FGGY: variants seen among roughly 807,000 people sequenced by gnomAD.
FGGY encodes FGGY carbohydrate kinase domain-containing protein.
In FGGY, 72 loss-of-function variants were observed where a neutral mutation model predicts 71.3. That is an observed-to-expected ratio of 1.01 (90% CI 0.84 to 1.23). FGGY has a LOEUF of 1.23. Among genes scored for constraint, FGGY ranks in the 50% most tolerant of loss-of-function variants. The pLI is 0.00. For missense variants in FGGY, 668 were observed against 682.3 expected (o/e 0.98, Z 0.23); for synonymous variants, 251 against 250.3 (o/e 1.00, Z -0.02).
chr1:59,435,381 C>T (rs760412831), intron 5 of FGGY, among the ~76,000 whole-genome samples: 9 of 152,152 alleles, frequency 5.9e-5, no homozygotes, highest in Non-Finnish European at 1.3e-4. Flanking sequence ...TTTGAAGATC[C>T]CTGAGGGATC....
At chr1:59,374,236 G>C (rs1486190979) in intron 4 of FGGY, among the ~76,000 whole-genome samples, 6 of 152,146 alleles carry the variant, frequency 3.9e-5, no homozygotes, top group Non-Finnish European at 8.8e-5. Context: ...ATCAAAAAGT[G>C]GGTGCAGGAC....
chr1:59,554,072 C>T, intron 7 of FGGY, 52 bp from the exon 8 acceptor site: 1 of 1,374,552 alleles, frequency 7.3e-7, no homozygotes, highest in Middle Eastern at 1.9e-4. Flanking sequence ...GCTTTCTCTC[C>T]CTCTTTTTTT....
intron 7 of FGGY, among the ~76,000 whole-genome samples, chr1:59,542,813 A>G (rs558508763): frequency 8.8e-4 from 134 of 152,154 alleles, no homozygotes; most frequent in African/African-American, 3.2e-3. Flanking sequence ...AGGCCCAAAA[A>G]ACTCAGTTCA....
rs145918600 is a variant in FGGY at position 59,353,996 on chromosome 1, T to A, written c.465+7598T>A. On this transcript the variant is annotated intron_variant, in intron 4 of 15. Coordinates refer to ENST00000303721, the MANE Select transcript of FGGY (RefSeq NM_018291.5). ...GAGCTAAAGCGTATGTAGTGCTTGT[T>A]AATACATCTGGTACTTTTCTAAGCA... 3.1e-3 allele frequency among the ~76,000 whole-genome samples: 473 copies of A among 152,374 alleles called. 2 individuals are homozygous for A. The highest frequency in any genetic ancestry group is 0.011 in the African/African-American group (464 of 41,596).
chr1:59,566,854 G>C (rs1490838317), intron 8 of FGGY, among the ~76,000 whole-genome samples: 1 of 152,072 alleles, frequency 6.6e-6, no homozygotes, highest in Non-Finnish European at 1.5e-5. Context: ...ACTGAGTATA[G>C]TGATGTTTGA....
chr1:59,707,228 C>T (rs2097763072), intron 14 of FGGY, among the ~76,000 whole-genome samples: 1 of 152,166 alleles, frequency 6.6e-6, no homozygotes. Flanking sequence ...CCAGTTTTGC[C>T]TAGCGAAACT....
intron 11 of FGGY, chr1:59,641,388 T>C: frequency 6.5e-7 from 1 of 1,548,742 alleles, no homozygotes; most frequent in Non-Finnish European, 8.8e-7. Flanking sequence ...ATTTACCCAT[T>C]CACTGTGTTT....
At chr1:59,720,844 A>T (rs1342188093) in intron 14 of FGGY, among the ~76,000 whole-genome samples, 1 of 152,150 alleles carries the variant, frequency 6.6e-6, no homozygotes, top group African/African-American at 2.4e-5. Context: ...TCTTTTCAGG[A>T]CCTGCAAAGC....
chr1:59,646,853 G>T (rs2097099816), intron 11 of FGGY, among the ~76,000 whole-genome samples: 1 of 152,104 alleles, frequency 6.6e-6, no homozygotes, highest in African/African-American at 2.4e-5. Context: ...TGGGGAAAAA[G>T]AAAAATAAAA....
At chr1:59,694,717 G>C (rs1233352071) in intron 14 of FGGY, among the ~76,000 whole-genome samples, 1 of 150,854 alleles carries the variant, frequency 6.6e-6, no homozygotes, top group African/African-American at 2.4e-5. Flanking sequence ...AAAGAGATGG[G>C]GTCTCAATGT....
intron 14 of FGGY, among the ~76,000 whole-genome samples, chr1:59,698,133 G>C (rs2154013347): frequency 6.6e-6 from 1 of 152,198 alleles, no homozygotes; most frequent in East Asian, 1.9e-4. Context: ...GTTTAGAAAT[G>C]TAATGTGATA....
chr1:59,373,431 T>C (rs1227161959), intron 4 of FGGY, among the ~76,000 whole-genome samples: 2 of 152,066 alleles, frequency 1.3e-5, no homozygotes, highest in Non-Finnish European at 1.5e-5. Context: ...GGAAGAACAT[T>C]CCATGCTCAT....
At chr1:59,697,647 G>T (rs759193452) in intron 14 of FGGY, 13 of 1,303,546 alleles carry the variant, frequency 1.0e-5, no homozygotes, top group Non-Finnish European at 1.3e-5. Context: ...CTTCTTTCCA[G>T]TGGGGGAAAT....
At chr1:59,762,223 G>A (rs1347625185) in intron 15 of FGGY, among the ~76,000 whole-genome samples, 2 of 152,086 alleles carry the variant, frequency 1.3e-5, no homozygotes, top group Non-Finnish European at 2.9e-5. Context: ...CTGAGTAGCT[G>A]GGATTACAGG....
At chr1:59,715,140 C>T (rs1181239051) in intron 14 of FGGY, among the ~76,000 whole-genome samples, 4 of 152,140 alleles carry the variant, frequency 2.6e-5, no homozygotes. Context: ...AGAGTCAGGG[C>T]ATGAAGCATT....
chr1:59,361,922 G>A (rs114398047), intron 4 of FGGY, among the ~76,000 whole-genome samples: 2,922 of 152,170 alleles, frequency 0.019, 102 homozygotes, highest in African/African-American at 0.068. Context: ...GGCCCTTTCC[G>A]CCTCTCTTGG....
rs1466308892 is a variant in FGGY, at chr1:59,511,177, A to G, written c.671-1134A>G. On this transcript the variant is annotated intron_variant, in intron 6 of 15. Coordinates refer to ENST00000303721, the MANE Select transcript of FGGY (RefSeq NM_018291.5). Reference sequence around the variant, plus strand: ...AAAATGGATAAAAATGGTGTCGTCAAAGTGCTTTGGTTCCATTTAGAGGAG... The same window carrying G: ...AAAATGGATAAAAATGGTGTCGTCAGAGTGCTTTGGTTCCATTTAGAGGAG... 1.3e-5 allele frequency among the ~76,000 whole-genome samples: 2 copies of G among 152,130 alleles called. 1 individual carries two copies. The highest frequency in any genetic ancestry group is 2.9e-5 in the Non-Finnish European group (2 of 68,024).
chr1:59,392,268 G>A (rs1275462203), intron 5 of FGGY, among the ~76,000 whole-genome samples: 2 of 152,288 alleles, frequency 1.3e-5, no homozygotes, highest in African/African-American at 2.4e-5. Context: ...CCTTGGTAGA[G>A]GTTCAAATCA....
At chr1:59,701,089 G>A (rs981751823) in intron 14 of FGGY, among the ~76,000 whole-genome samples, 14 of 152,220 alleles carry the variant, frequency 9.2e-5, no homozygotes, top group African/African-American at 3.4e-4. Context: ...GTTTGGAATT[G>A]CAAAATCCTG....
Sources: gnomAD v4.1 joint callset for allele counts (sites outside exome capture counted in the v4.1 genomes callset) on GRCh38, gnomAD v4.1.1 for gene constraint, MANE v1.5 for transcripts, NCBI Gene and HGNC (gene_info 2026-07-23, HGNC 2026-07-21) for gene names.